The following SOX30 variants were observed in gnomAD, a reference collection of about 807,000 sequenced individuals.
SOX30 encodes the protein SRY-box transcription factor 30, also known as transcription factor SOX-30.
Under a neutral mutation model 58.6 loss-of-function variants are expected in SOX30, and 17 were observed. That is an observed-to-expected ratio of 0.29 (90% CI 0.20 to 0.44). The LOEUF is 0.44. Ranked by LOEUF, SOX30 falls within the 20% of genes least tolerant of loss-of-function variation. SOX30 has a pLI of 1.00. For synonymous variants in SOX30, 421 were observed against 400.2 expected, an observed-to-expected ratio of 1.05 and a Z score of -0.62; for missense variants, 951 against 965.8, an observed-to-expected ratio of 0.98 and a Z score of 0.20.
Position 157,626,324 on chromosome 5 carries a change from C to G in SOX30, c.*16G>C. 2 of 1,569,124 alleles carry G rather than the reference C, an allele frequency of 1.3e-6. No individual in the cohort carries two copies. The highest frequency in any genetic ancestry group is 1.7e-6 in the Non-Finnish European group (2 of 1,156,246). ...TTTTAAGAAATGTTTATTTTCTGTG[C>G]ATATTTGTTTTAAAATTATAAATCC... On this transcript the variant is annotated 3_prime_UTR_variant, in exon 5 of 5. Coordinates refer to ENST00000265007, the MANE Select transcript of SOX30 (RefSeq NM_178424.2).
At chr5:157,639,964 C>T (rs1759024856) in intron 3 of SOX30, among the ~76,000 whole-genome samples, 1 of 152,166 alleles carries the variant, frequency 6.6e-6, no homozygotes, top group Admixed American at 6.5e-5. Flanking sequence ...GGGCTCTGAC[C>T]CAGTGAAGTA....
At chr5:157,637,567 C>T (rs907347250) in intron 4 of SOX30, among the ~76,000 whole-genome samples, 7 of 152,128 alleles carry the variant, frequency 4.6e-5, no homozygotes, top group African/African-American at 1.4e-4. Context: ...CAAAATACCA[C>T]GATTTATATA....
intron 3 of SOX30, among the ~76,000 whole-genome samples, chr5:157,645,471 T>C (rs1759166219): frequency 6.6e-6 from 1 of 152,016 alleles, no homozygotes; most frequent in African/African-American, 2.4e-5. Context: ...GACACCAGCC[T>C]GGGCAACATG....
chr5:157,646,897 C>G, intron 2 of SOX30, 81 bp from the exon 3 acceptor site: 1 of 1,042,954 alleles, frequency 9.6e-7, no homozygotes, highest in East Asian at 2.4e-5. Flanking sequence ...ATGCAAAGCA[C>G]TTTAAAGTGT....
At chr5:157,662,567 T>C (rs1048524271) in intron 2 of SOX30, among the ~76,000 whole-genome samples, 14 of 152,160 alleles carry the variant, frequency 9.2e-5, no homozygotes, top group Non-Finnish European at 1.5e-4. Flanking sequence ...TCCCTGGAGG[T>C]TTTTTCTTTG....
At chr5:157,654,775 T>G (rs774334933), upstream of SOX30, among the ~76,000 whole-genome samples, 16 of 152,136 alleles carry the variant, frequency 1.1e-4, no homozygotes, top group African/African-American at 1.7e-4. Context: ...CTTGTCATCC[T>G]CACTACTACA....
chr5:157,654,430 C>T (rs946869408), upstream of SOX30, among the ~76,000 whole-genome samples: 15 of 152,198 alleles, frequency 9.9e-5, no homozygotes, highest in African/African-American at 3.6e-4. Flanking sequence ...CTAGCTGACT[C>T]TGTAAGTGTC....
At chr5:157,644,314 G>C (rs574889565) in intron 3 of SOX30, among the ~76,000 whole-genome samples, 3 of 152,092 alleles carry the variant, frequency 2.0e-5, no homozygotes, top group South Asian at 2.1e-4. Context: ...CCAGAAATAA[G>C]AGATATTGTA....
chr5:157,653,401 C>G (rs1759409722), upstream of SOX30, among the ~76,000 whole-genome samples: 1 of 152,190 alleles, frequency 6.6e-6, no homozygotes, highest in African/African-American at 2.4e-5. Flanking sequence ...TTGCCCATCA[C>G]TGAATCCACA....
Position 157,652,143 on chromosome 5 carries a change from C to A in SOX30, c.-65G>T. On this transcript the variant is annotated 5_prime_UTR_variant, in exon 1 of 5. Coordinates refer to ENST00000265007, the MANE Select transcript of SOX30 (RefSeq NM_178424.2). ...CGTTTGTTGGCGACCTTCCCCCTCCCCCTTTCGGTTAAGAGCCTTGCAAGG... is the reference window on the plus strand; with the variant it reads ...CGTTTGTTGGCGACCTTCCCCCTCCACCTTTCGGTTAAGAGCCTTGCAAGG... The A allele has an allele frequency of 7.2e-7, 1 of 1,381,182 alleles. No individual in the cohort carries two copies. The highest frequency in any genetic ancestry group is 2.9e-5 in the East Asian group (1 of 34,740). 85.6% of individuals were successfully genotyped at this position (1,381,182 alleles called of 1,614,324 possible).
chr5:157,644,116 A>G (rs528420604), intron 3 of SOX30, among the ~76,000 whole-genome samples: 3 of 150,906 alleles, frequency 2.0e-5, no homozygotes, highest in Admixed American at 1.3e-4. Flanking sequence ...AATTATGCTT[A>G]TAAGATAATG....
intron 4 of SOX30, among the ~76,000 whole-genome samples, chr5:157,635,173 T>C (rs749711267): frequency 6.6e-6 from 1 of 152,252 alleles, no homozygotes; most frequent in African/African-American, 2.4e-5. Context: ...TAAAAAACTA[T>C]GCATAGCTTA....
chr5:157,646,061 A>T (rs1476054404), intron 3 of SOX30, among the ~76,000 whole-genome samples: 1 of 151,908 alleles, frequency 6.6e-6, no homozygotes, highest in Admixed American at 6.6e-5. Context: ...CCAATGATGG[A>T]TAGCCCTATA....
At position 157,651,724 on chromosome 5, in the gene SOX30, C is replaced by A; in HGVS notation, c.355G>T (p.Ala119Ser). 1 of 1,569,690 alleles carries A rather than the reference C, an allele frequency of 6.4e-7. No homozygotes were observed. The highest frequency in any genetic ancestry group is 8.6e-7 in the Non-Finnish European group (1 of 1,160,110). Residue 119 changes from alanine to serine, a missense_variant, in exon 1 of 5, where the codon GCC becomes TCC. Physicochemically the swap from Ala to Ser is moderately conservative, Grantham distance 99. This residue lies in a region of SOX30 where 363 missense variants were observed against 294.5 expected (regional missense o/e 1.23). Transcript: ENST00000265007. ...GGGTGCAACTCGGGCCTGGAGGTGG[C>A]GCCGTCTGACGCTGTCGGCGGCTGC... ...LLQPPTASDG[A>S]TSRPELHPVQ...
chr5:157,632,323 G>A (rs182215978), intron 4 of SOX30, among the ~76,000 whole-genome samples: 4 of 152,248 alleles, frequency 2.6e-5, no homozygotes, highest in East Asian at 1.9e-4. Context: ...TACTCAAGAG[G>A]GACCCTACAC....
At chr5:157,668,078 G>A (rs1759704475) in intron 1 of SOX30, among the ~76,000 whole-genome samples, 2 of 152,202 alleles carry the variant, frequency 1.3e-5, no homozygotes, top group African/African-American at 4.8e-5. Flanking sequence ...CCGCCCCAGT[G>A]ATTCTCAGCT....
Position 157,651,381 on chromosome 5 carries a change from T to C in SOX30, c.698A>G (p.Asn233Ser), listed in dbSNP as rs201705316. The C allele has an allele frequency of 9.0e-5, 145 of 1,613,524 alleles. 1 individual carries two copies. Among genetic ancestry groups the C allele is most frequent in the South Asian group, 6.7e-4 (61 of 91,066 alleles). ...DCRLGAEPAS[N>S]GLVHGSAEVI... is the part of the protein sequence containing the mutation. ...CTCCGCGCTGCCATGAACCAGGCCA[T>C]TGGACGCGGGCTCCGCGCCGAGCCT... Residue 233 changes from asparagine to serine, a missense_variant, in exon 1 of 5, where the codon AAT becomes AGT. Coordinates refer to ENST00000265007, the MANE Select transcript of SOX30 (RefSeq NM_178424.2).
At chr5:157,646,203 A>G (rs72811400) in intron 3 of SOX30, among the ~76,000 whole-genome samples, 4,718 of 152,310 alleles carry the variant, frequency 0.031, 150 homozygotes, top group East Asian at 0.1. Context: ...AAAATAGATT[A>G]CTTCCACTGC....
At chr5:157,656,494 G>A (rs72813207), upstream of SOX30, among the ~76,000 whole-genome samples, 518 of 152,304 alleles carry the variant, frequency 3.4e-3, no homozygotes, top group South Asian at 0.019. Flanking sequence ...CTGGGGACAT[G>A]TGATGTTAGC....
Sources: allele counts gnomAD v4.1 joint callset (sites outside exome capture counted in the v4.1 genomes callset), GRCh38; gene constraint gnomAD v4.1.1; regional missense constraint gnomAD v4.1.1; transcripts MANE v1.5; gene names NCBI Gene and HGNC (gene_info 2026-07-23, HGNC 2026-07-21).